CYLD: variants seen among roughly 807,000 people sequenced by gnomAD.
CYLD encodes the protein CYLD lysine 63 deubiquitinase.
CYLD carries 26 observed loss-of-function variants against 104.5 expected under a neutral mutation model. The ratio of observed to expected loss-of-function variants is 0.25; its 90% CI spans 0.18 to 0.35. CYLD has a LOEUF of 0.35. Ranked by LOEUF, CYLD falls within the 10% of genes least tolerant of loss-of-function variation. The pLI, the probability that CYLD is intolerant of heterozygous loss-of-function variation, is 1.00. For synonymous variants in CYLD, 385 were observed against 399.9 expected (o/e 0.96, Z 0.45); for missense variants, 703 against 1,136.1 (o/e 0.62, Z 5.48).
Position 50,781,458 on chromosome 16 carries a change from T to C in CYLD, c.1684+47T>C, listed in dbSNP as rs1181533992. ...ACTTAACAACCTGGAATGACTCTAA[T>C]TCTAATCTCATATCATGTTATATTA... On this transcript the variant is annotated intron_variant, in intron 10 of 18. Coordinates refer to ENST00000427738, the MANE Select transcript of CYLD (RefSeq NM_001378743.1). 4.4e-6 allele frequency: 7 copies of C among 1,599,252 alleles called. No homozygotes were observed. In the East Asian group the frequency reaches 6.7e-5, roughly 15 times the overall value.
intron 2 of CYLD, among the ~76,000 whole-genome samples, chr16:50,745,474 C>T (rs187305540): frequency 6.9e-6 from 1 of 145,888 alleles, no homozygotes; most frequent in Non-Finnish European, 1.5e-5. Flanking sequence ...CTCTAGCGAT[C>T]TTCCCATCCT....
chr16:50,775,885 A>T (rs1969627058), intron 6 of CYLD, among the ~76,000 whole-genome samples: 1 of 152,188 alleles, frequency 6.6e-6, no homozygotes, highest in South Asian at 2.1e-4. Context: ...GTTTTAAGAG[A>T]TCAAATAAAA....
chr16:50,783,578 G>A (rs111465317), intron 11 of CYLD, among the ~76,000 whole-genome samples: 10,300 of 151,692 alleles, frequency 0.068, 488 homozygotes, highest in South Asian at 0.23. Flanking sequence ...TCGCTGTGTC[G>A]CCCAGGCTGG....
At chr16:50,786,691 C>T (rs939658088) in intron 12 of CYLD, 164 bp from the exon 13 acceptor site, 7 of 570,014 alleles carry the variant, frequency 1.2e-5, no homozygotes, top group Admixed American at 3.1e-5. Context: ...GCCTGGAAGG[C>T]GGAGGTTGCA....
intron 2 of CYLD, among the ~76,000 whole-genome samples, chr16:50,745,366 T>TG (rs1255026519): frequency 1.0e-4 from 14 of 134,828 alleles, no homozygotes; most frequent in African/African-American, 3.9e-4. Context: ...CTCTTTGTTT[T>TG]TTTTTTTTTT....
At chr16:50,785,884 G>A (rs1325290155) in intron 12 of CYLD, 1 of 152,146 alleles carries the variant, frequency 6.6e-6, no homozygotes, top group Non-Finnish European at 1.5e-5. Flanking sequence ...CTATGTAAGT[G>A]GTAGATTCTC....
chr16:50,798,255 G>T lies in CYLD; in HGVS notation c.*1747G>T, dbSNP rs916630278. 14 of 231,826 alleles carry T rather than the reference G, an allele frequency of 6.0e-5. No homozygotes were observed. Among genetic ancestry groups the T allele is most frequent in the African/African-American group, 2.7e-4 (12 of 45,230 alleles). The allele number at this position is 231,826 out of a possible 1,614,324, so 14.4% of individuals were successfully genotyped here. ...AGGAATCTAAATGAAGCCAGCCCTC[G>T]GTATCTGCAGGTTTCTCATCCATGG... On this transcript the variant is annotated 3_prime_UTR_variant, in exon 19 of 19. Coordinates refer to ENST00000427738, the MANE Select transcript of CYLD (RefSeq NM_001378743.1).
chr16:50,786,200 A>C (rs1245810553), intron 12 of CYLD: 1 of 152,212 alleles, frequency 6.6e-6, no homozygotes, highest in Non-Finnish European at 1.5e-5. Flanking sequence ...CAGTATTAAA[A>C]GGATATTCTC....
chr16:50,775,541 C>T (rs1969588751), intron 6 of CYLD, among the ~76,000 whole-genome samples: 1 of 152,124 alleles, frequency 6.6e-6, no homozygotes, highest in South Asian at 2.1e-4. Flanking sequence ...GATATATGTT[C>T]TTAACCAGAA....
chr16:50,753,692 G>T (rs1024893822), intron 4 of CYLD, among the ~76,000 whole-genome samples: 4 of 152,196 alleles, frequency 2.6e-5, no homozygotes, highest in African/African-American at 9.6e-5. Flanking sequence ...GCAGTTGTCT[G>T]ACTGGCCCGT....
rs148213245 is a variant in CYLD, at chr16:50,748,509, A to G, written c.-123-1067A>G. Among the ~76,000 whole-genome samples the G allele has an allele frequency of 4.7e-3, 721 of 152,242 alleles. 2 individuals carry two copies. The highest frequency in any genetic ancestry group is 0.017 in the African/African-American group (689 of 41,548). On this transcript the variant is annotated intron_variant, in intron 2 of 18. Transcript: ENST00000427738. ...ACTGCAGTGAGCTATGATCGCACCAATGTACCCAAGCCTGGGTGACAGAGC... is the reference window on the plus strand; with the variant it reads ...ACTGCAGTGAGCTATGATCGCACCAGTGTACCCAAGCCTGGGTGACAGAGC...
intron 18 of CYLD, chr16:50,795,695 C>T: frequency 2.9e-6 from 2 of 680,266 alleles, no homozygotes; most frequent in Admixed American, 2.2e-5. Context: ...TTGAGGGATA[C>T]ATCCCAGCCC....
rs879234229 is a variant in CYLD, at chr16:50,779,828, C to T, written c.1302C>T (p.Gly434=). ...TGCCCAATACCAATGGAAGTATTGG[C>T]CACAGTCCACTTTCTCTGTCAGCCC... The part of the protein sequence containing the change: ...TKMPNTNGSI[G]HSPLSLSAQS... Residue 434 remains glycine (G), a synonymous_variant, in exon 9 of 19, where the codon GGC becomes GGT. Coordinates refer to ENST00000427738, the MANE Select transcript of CYLD (RefSeq NM_001378743.1). 2 of 1,613,744 alleles carry T rather than the reference C, an allele frequency of 1.2e-6. No individual in the cohort carries two copies. The highest frequency in any genetic ancestry group is 2.2e-5 in the East Asian group (1 of 44,854).
intron 9 of CYLD, among the ~76,000 whole-genome samples, chr16:50,780,893 G>C (rs535038727): frequency 2.0e-5 from 3 of 152,010 alleles, no homozygotes; most frequent in Admixed American, 2.0e-4. Flanking sequence ...GGGGCATGGT[G>C]GGGAGGCAAG....
chr16:50,743,766 A>G (rs1257373908), intron 2 of CYLD, among the ~76,000 whole-genome samples: 1 of 152,230 alleles, frequency 6.6e-6, no homozygotes, highest in African/African-American at 2.4e-5. Flanking sequence ...CTAGTATCAA[A>G]TAAACCTCAA....
chr16:50,777,259 A>G (rs1013702822), intron 7 of CYLD, among the ~76,000 whole-genome samples: 2 of 152,212 alleles, frequency 1.3e-5, no homozygotes, highest in East Asian at 1.9e-4. Context: ...TGGCTGTGGC[A>G]TAGCTACACT....
intron 4 of CYLD, among the ~76,000 whole-genome samples, chr16:50,752,115 G>A (rs1024559439): frequency 1.3e-5 from 2 of 151,302 alleles, no homozygotes; most frequent in Non-Finnish European, 3.0e-5. Flanking sequence ...GTACTTTAAA[G>A]AACATGTTCT....
chr16:50,760,981 T>A (rs180959640), intron 5 of CYLD, among the ~76,000 whole-genome samples: 13 of 152,286 alleles, frequency 8.5e-5, no homozygotes, highest in African/African-American at 3.1e-4. Flanking sequence ...ATCTGATAGA[T>A]AAAAAATATA....
intron 5 of CYLD, among the ~76,000 whole-genome samples, chr16:50,772,404 C>T (rs971780062): frequency 1.3e-5 from 2 of 152,114 alleles, no homozygotes; most frequent in Non-Finnish European, 2.9e-5. Flanking sequence ...TTTAGTTGTA[C>T]TTAGCAAAAG....
Sources: gnomAD v4.1 joint callset for allele counts (sites outside exome capture counted in the v4.1 genomes callset) on GRCh38, gnomAD v4.1.1 for gene constraint, MANE v1.5 for transcripts, NCBI Gene and HGNC (gene_info 2026-07-23, HGNC 2026-07-21) for gene names.